ZNF445: variants seen among roughly 807,000 people sequenced by gnomAD.
The protein encoded by ZNF445 is zinc finger protein 168.
ZNF445 carries 19 observed loss-of-function variants against 93.9 expected under a neutral mutation model. The observed-to-expected ratio is 0.20, with a 90% CI of 0.14 to 0.30. The LOEUF (loss-of-function observed/expected upper bound fraction) is 0.30, where lower values mean the gene tolerates loss of function less well. Ranked by LOEUF, ZNF445 falls within the 10% of genes least tolerant of loss-of-function variation. The pLI, the probability that ZNF445 is intolerant of heterozygous loss-of-function variation, is 1.00. For missense variants in ZNF445, 1,058 were observed against 1,259.4 expected (o/e 0.84, Z 2.42); for synonymous variants, 449 against 446.3 (o/e 1.01, Z -0.08).
chr3:44,445,175 T>C lies in ZNF445; in HGVS notation c.*1400A>G, dbSNP rs1396382048. The C allele has an allele frequency of 3.9e-5, 6 of 152,206 alleles. No individual in the cohort carries two copies. The highest frequency in any genetic ancestry group is 1.4e-4 in the African/African-American group (6 of 41,452). The allele number at this position is 152,206 out of a possible 1,614,324, so 9.4% of individuals were successfully genotyped here. A position where few individuals can be genotyped will look rare whatever the true frequency, so the allele number is the denominator to read the frequency against. Reference sequence around the variant, plus strand: ...ATGTGAAGCTGAGAGGGGCCTGCAGTGTGCAGGGGCTAGAGACATGAACAC... The same window carrying C: ...ATGTGAAGCTGAGAGGGGCCTGCAGCGTGCAGGGGCTAGAGACATGAACAC... On this transcript the variant is annotated 3_prime_UTR_variant, in exon 8 of 8. Coordinates refer to ENST00000396077, the MANE Select transcript of ZNF445 (RefSeq NM_181489.6).
chr3:44,456,419 A>G (rs1698028851), intron 2 of ZNF445, among the ~76,000 whole-genome samples: 1 of 152,208 alleles, frequency 6.6e-6, no homozygotes, highest in Non-Finnish European at 1.5e-5. Context: ...TCTGTCTCAA[A>G]ACAAGCAAGC....
At chr3:44,453,552 C>T (rs1363789430) in intron 3 of ZNF445, among the ~76,000 whole-genome samples, 2 of 152,192 alleles carry the variant, frequency 1.3e-5, no homozygotes, top group African/African-American at 4.8e-5. Flanking sequence ...GCCTTGGCCT[C>T]CCAAAGTGCT....
At position 44,451,372 on chromosome 3, in the gene ZNF445, C is replaced by T; in HGVS notation, c.540G>A (p.Gly180=). ...ASPLRSSSAL[G]DHLEPPYEIE... is the part of the protein sequence containing the mutation. ...TTTCATAGGGAGGCTCCAGGTGGTCCCCCAGAGCAGAGCTGCTCCTGAGAG... is the reference window on the plus strand; with the variant it reads ...TTTCATAGGGAGGCTCCAGGTGGTCTCCCAGAGCAGAGCTGCTCCTGAGAG... Residue 180 remains glycine (G), a synonymous_variant, in exon 4 of 8, where the codon GGG becomes GGA. Transcript: ENST00000396077. The T allele has an allele frequency of 6.2e-7, 1 of 1,614,102 alleles. No homozygotes were observed.
At position 44,446,771 on chromosome 3, in the gene ZNF445, C is replaced by A; in HGVS notation, c.2900G>T (p.Gly967Val). Reference protein sequence around the residue: ...EACSQSSRLTGLQDISIGKKC... With the variant: ...EACSQSSRLTVLQDISIGKKC... ...TTTCCCAATGCTTATGTCCTGGAGT[C>A]CAGTGAGCCTGGAGCTCTGGCTGCA... The change falls in exon 8 of 8, where the codon GGA (glycine) becomes GTA (valine). Residue 967 changes from glycine (G) to valine (V), a missense_variant. Gly to Val is a moderately radical substitution (Grantham distance 109, BLOSUM62 -3). This residue lies in a region of ZNF445 where 387 missense variants were observed against 475.7 expected (regional missense o/e 0.81). Transcript: ENST00000396077. This position sits in a 1 kb window ranked among gnomAD's most constrained non-coding sequence, Gnocchi z 4.2. 1 of 1,614,158 alleles carries A rather than the reference C, an allele frequency of 6.2e-7. No homozygotes were observed. The highest frequency in any genetic ancestry group is 1.1e-5 in the South Asian group (1 of 91,076).
At position 44,446,891 on chromosome 3, in the gene ZNF445, C is replaced by T. The variant is rs777866685; in HGVS notation, c.2780G>A (p.Ser927Asn). ...CTGAGAGGAAGACCGTGCAGGCGGGCTACGTTCAGCCTGTGCTGCTCTGGT... is the reference window on the plus strand; with the variant it reads ...CTGAGAGGAAGACCGTGCAGGCGGGTTACGTTCAGCCTGTGCTGCTCTGGT... ...KHTRAAQAER[S>N]PPARSSSQDT... The change falls in exon 8 of 8, where the codon AGC (serine) becomes AAC (asparagine). Residue 927 changes from serine to asparagine, a missense_variant. This residue lies in a region of ZNF445 where 387 missense variants were observed against 475.7 expected (regional missense o/e 0.81). Transcript: ENST00000396077. The surrounding 1 kb of genome is among the most constrained non-coding windows in gnomAD (Gnocchi z 4.2). 1.2e-6 allele frequency: 2 copies of T among 1,614,168 alleles called. No individual in the cohort carries two copies.
chr3:44,476,467 G>GCACA (rs377308101), intron 1 of ZNF445, among the ~76,000 whole-genome samples: 2 of 150,842 alleles, frequency 1.3e-5, no homozygotes, highest in African/African-American at 4.9e-5. Context: ...ACACATGCAT[G>GCACA]CACACACACA....
chr3:44,455,595 C>T lies in ZNF445; in HGVS notation c.-46G>A, dbSNP rs201092590. 4.2e-5 allele frequency: 64 copies of T among 1,512,172 alleles called. No individual in the cohort carries two copies. Among genetic ancestry groups the T allele is most frequent in the Non-Finnish European group, 5.5e-5 (62 of 1,128,522 alleles). 93.7% of individuals were successfully genotyped at this position (1,512,172 alleles called of 1,614,324 possible). On this transcript the variant is annotated 5_prime_UTR_variant, in exon 3 of 8. Coordinates refer to ENST00000396077, the MANE Select transcript of ZNF445 (RefSeq NM_181489.6). ...CCAGAAGAGTGCGAACCAAGTCCAC[C>T]TTAGACGTGGGTCCTCAGAAGTATC... is the stretch of plus-strand genomic sequence containing the variant.
intron 1 of ZNF445, among the ~76,000 whole-genome samples, chr3:44,463,100 G>A (rs1024073620): frequency 1.6e-4 from 24 of 150,584 alleles, no homozygotes; most frequent in Middle Eastern, 3.4e-3. Flanking sequence ...ACAATGGCAC[G>A]GTCTCAGTTC....
At chr3:44,467,852 G>C (rs1028037026) in intron 1 of ZNF445, among the ~76,000 whole-genome samples, 1 of 152,142 alleles carries the variant, frequency 6.6e-6, no homozygotes, top group African/African-American at 2.4e-5. Flanking sequence ...CAATATTGTA[G>C]CTGTTCTTGA....
chr3:44,456,181 G>A (rs895250326), intron 2 of ZNF445, among the ~76,000 whole-genome samples: 1 of 152,188 alleles, frequency 6.6e-6, no homozygotes, highest in East Asian at 1.9e-4. Flanking sequence ...TTTGGAAAGC[G>A]GAGGTGGGAG....
rs576029623 is a variant in ZNF445, at chr3:44,437,602, G to A, written c.*8973C>T. On this transcript the variant is annotated 3_prime_UTR_variant, in exon 8 of 8. Transcript: ENST00000396077. The stretch of plus-strand genomic sequence containing the variant: ...AGTGTCCTTGCCTTTTATTAAGAGG[G>A]GCCTCTAACTCACTCTGTCTTAGGA... 1.3e-5 allele frequency: 2 copies of A among 152,144 alleles called. No homozygotes were observed. The highest frequency in any genetic ancestry group is 4.1e-4 in the South Asian group (2 of 4,822). The allele number at this position is 152,144 out of a possible 1,614,324, so 9.4% of individuals were successfully genotyped here.
At position 44,444,584 on chromosome 3, in the gene ZNF445, A is replaced by G. The variant is rs897194182; in HGVS notation, c.*1991T>C. On this transcript the variant is annotated 3_prime_UTR_variant, in exon 8 of 8. Coordinates refer to ENST00000396077, the MANE Select transcript of ZNF445 (RefSeq NM_181489.6). ...TTTGGGACAGTGAAGGGACATCTTCAGTGCCATGAACAGCTGCTGCCGTAG... is the reference window on the plus strand; with the variant it reads ...TTTGGGACAGTGAAGGGACATCTTCGGTGCCATGAACAGCTGCTGCCGTAG... The G allele has an allele frequency of 6.6e-6, 1 of 152,248 alleles. No individual in the cohort carries two copies. The highest frequency in any genetic ancestry group is 1.5e-5 in the Non-Finnish European group (1 of 68,094). 9.4% of individuals were successfully genotyped at this position (152,248 alleles called of 1,614,324 possible). A position where few individuals can be genotyped will look rare whatever the true frequency, so the allele number is the denominator to read the frequency against.
Position 44,438,120 on chromosome 3 carries a change from GGA to G in ZNF445, c.*8453_*8454del, listed in dbSNP as rs1270148043. ...AAAAATTGGCAAAATTATGCAATTT[GGA>G]GAGTACTGTATCTCCTCAGTCACAT... On this transcript the variant is annotated 3_prime_UTR_variant, in exon 8 of 8. Coordinates refer to ENST00000396077, the MANE Select transcript of ZNF445 (RefSeq NM_181489.6). The G allele has an allele frequency of 6.6e-6, 1 of 151,724 alleles. No homozygotes were observed. Among genetic ancestry groups the G allele is most frequent in the Non-Finnish European group, 1.5e-5 (1 of 67,958 alleles). The allele number at this position is 151,724 out of a possible 1,614,324, so 9.4% of individuals were successfully genotyped here. A position where few individuals can be genotyped will look rare whatever the true frequency, so the allele number is the denominator to read the frequency against.
Position 44,446,680 on chromosome 3 carries a change from C to T in ZNF445, c.2991G>A (p.Lys997=). 1 of 1,614,210 alleles carries T rather than the reference C, an allele frequency of 6.2e-7. No individual in the cohort carries two copies. Among genetic ancestry groups the T allele is most frequent in the Non-Finnish European group, 8.5e-7 (1 of 1,180,036 alleles). ...FNKSSQLISH[K]RFHTRERPFK... ...AGGGCCTCTCTCGAGTATGAAATCT[C>T]TTGTGGCTAATGAGTTGTGAACTCT... The change falls in exon 8 of 8, where the codon AAG becomes AAA. Residue 997 remains lysine (K), a synonymous_variant. Coordinates refer to ENST00000396077, the MANE Select transcript of ZNF445 (RefSeq NM_181489.6). The surrounding 1 kb of genome is among the most constrained non-coding windows in gnomAD (Gnocchi z 4.2).
At chr3:44,454,981 G>T in intron 3 of ZNF445, 140 bp downstream of exon 3, 1 of 1,057,922 alleles carries the variant, frequency 9.5e-7, no homozygotes, top group Non-Finnish European at 1.4e-6. Flanking sequence ...GTTCTCAGCT[G>T]CTCAGGTACC....
chr3:44,448,766 T>G (rs1697916026), intron 7 of ZNF445, 27 bp from the exon 8 acceptor site: 1 of 1,585,426 alleles, frequency 6.3e-7, no homozygotes, highest in Non-Finnish European at 8.6e-7. Flanking sequence ...CACAAGAGAA[T>G]GTACTCTTTT....
At chr3:44,450,670 A>C (rs1252788589) in intron 5 of ZNF445, 97 bp from the exon 6 acceptor site, 2 of 1,506,906 alleles carry the variant, frequency 1.3e-6, no homozygotes, top group Non-Finnish European at 1.8e-6. Flanking sequence ...TGAGTGCAGG[A>C]TGGACCTGGC....
At position 44,450,814 on chromosome 3, in the gene ZNF445, C is replaced by T. The variant is rs1369490086; in HGVS notation, c.693+54G>A. On this transcript the variant is annotated intron_variant, in intron 5 of 7. Coordinates refer to ENST00000396077, the MANE Select transcript of ZNF445 (RefSeq NM_181489.6). The stretch of plus-strand genomic sequence containing the variant: ...CCCAGGATGGGGAAGCTGCACTATC[C>T]CATTAGGCAGCGACGTGGGGACATC... The T allele has an allele frequency of 2.8e-6, 4 of 1,425,782 alleles. No homozygotes were observed. The Admixed American group carries it at 1.0e-4, about 37-fold the overall frequency. 88.3% of individuals were successfully genotyped at this position (1,425,782 alleles called of 1,614,324 possible). A position where few individuals can be genotyped will look rare whatever the true frequency, so the allele number is the denominator to read the frequency against.
At chr3:44,471,065 GA>G (rs1575318381) in intron 1 of ZNF445, among the ~76,000 whole-genome samples, 1 of 151,916 alleles carries the variant, frequency 6.6e-6, no homozygotes, top group South Asian at 2.1e-4. Context: ...AACAATGGAA[GA>G]AAAAAAATAA....
Sources: gnomAD v4.1 joint callset for allele counts (sites outside exome capture counted in the v4.1 genomes callset) on GRCh38, gnomAD v4.1.1 for gene constraint, gnomAD v4.1.1 regional missense constraint, Gnocchi (gnomAD v3.1) non-coding constraint, MANE v1.5 for transcripts, NCBI Gene and HGNC (gene_info 2026-07-23, HGNC 2026-07-21) for gene names.